KCNQ1: variants seen among roughly 807,000 people sequenced by gnomAD.
KCNQ1 encodes the protein potassium voltage-gated channel subfamily KQT member 1.
Under a neutral mutation model 72.4 loss-of-function variants are expected in KCNQ1, and 49 were observed. The ratio of observed to expected loss-of-function variants is 0.68; its 90% CI spans 0.54 to 0.86. The LOEUF (loss-of-function observed/expected upper bound fraction) is 0.86, where lower values mean the gene tolerates loss of function less well. Among genes scored for constraint, KCNQ1 ranks in the 40% least tolerant of loss-of-function variants. The pLI is 0.00. For missense variants in KCNQ1, 790 were observed against 945.1 expected (o/e 0.84, Z 2.15); for synonymous variants, 450 against 412.6 (o/e 1.09, Z -1.10).
In KCNQ1 at chr11:2,734,125, G is replaced by A. The variant is rs1845912583; in HGVS notation, c.1515-34719G>A. ...TTCAAGCTTGTCTAGCACTGGCAGG[G>A]GTGGTCCTGCTCCGGCCCCAGGGCC... On this transcript the variant is annotated intron_variant, in intron 11 of 15. Transcript: ENST00000155840. This position sits in a 1 kb window ranked among gnomAD's most constrained non-coding sequence, Gnocchi z 7.0. Among the ~76,000 whole-genome samples, 1 of 152,164 alleles carries A rather than the reference G, an allele frequency of 6.6e-6. No homozygotes were observed. The highest frequency in any genetic ancestry group is 6.5e-5 in the Admixed American group (1 of 15,284).
At chr11:2,681,193 T>C (rs1366657236) in intron 11 of KCNQ1, 4 of 398,626 alleles carry the variant, frequency 1.0e-5, no homozygotes, top group African/African-American at 2.1e-5. Context: ...AAAGTCATTT[T>C]TGCAGTGTTT....
Position 2,609,027 on chromosome 11 carries a change from T to C in KCNQ1, c.1393+20173T>C, listed in dbSNP as rs1050905407. 1.3e-5 allele frequency: 5 copies of C among 398,342 alleles called. No homozygotes were observed. The Admixed American group carries it at 1.3e-4, about 11-fold the overall frequency. 24.7% of individuals were successfully genotyped at this position (398,342 alleles called of 1,614,324 possible). ...TTTATTATTTTTATATTCTATATTT[T>C]ATTTCTACTCTAATATTTATTATTT... On this transcript the variant is annotated intron_variant, in intron 10 of 15. Coordinates refer to ENST00000155840, the MANE Select transcript of KCNQ1 (RefSeq NM_000218.3).
rs1848266563 is a variant in KCNQ1, at chr11:2,567,676, C to A, written c.478-2952C>A. On this transcript the variant is annotated intron_variant, in intron 2 of 15. Transcript: ENST00000155840. This position sits in a 1 kb window ranked among gnomAD's most constrained non-coding sequence, Gnocchi z 6.6. ...AGCCTAATTAACCTGACAAGCGGGG[C>A]CTCCCCAGCCATGCAGCCTTGCACT... 6.6e-6 allele frequency among the ~76,000 whole-genome samples: 1 copy of A among 152,212 alleles called. No homozygotes were observed. Among genetic ancestry groups the A allele is most frequent in the Non-Finnish European group, 1.5e-5 (1 of 68,036 alleles).
chr11:2,698,845 G>A lies in KCNQ1; in HGVS notation c.1514+36764G>A, dbSNP rs1269667797. The A allele has an allele frequency of 5.0e-6, 2 of 398,442 alleles. No homozygotes were observed. Among genetic ancestry groups the A allele is most frequent in the Non-Finnish European group, 4.4e-6 (1 of 226,178 alleles). 24.7% of individuals were successfully genotyped at this position (398,442 alleles called of 1,614,324 possible). The stretch of plus-strand genomic sequence containing the variant: ...GAGGCCCTACCTAAAACCACCATGC[G>A]GACTCCAGACCCGGACTGACTGGGA... On this transcript the variant is annotated intron_variant, in intron 11 of 15. Coordinates refer to ENST00000155840, the MANE Select transcript of KCNQ1 (RefSeq NM_000218.3). This position sits in a 1 kb window ranked among gnomAD's most constrained non-coding sequence, Gnocchi z 5.1.
rs1046173508 is a variant in KCNQ1 at position 2,498,814 on chromosome 11, T to C, written c.387-29114T>C. On this transcript the variant is annotated intron_variant, in intron 1 of 15. Transcript: ENST00000155840. This position sits in a 1 kb window ranked among gnomAD's most constrained non-coding sequence, Gnocchi z 4.8. ...CTTGAAACCCAGGGCCCTGGTGGTA[T>C]AGGCACATGAAGGAGTCTCCTGATC... 2.6e-5 allele frequency among the ~76,000 whole-genome samples: 4 copies of C among 152,188 alleles called. No individual in the cohort carries two copies. The highest frequency in any genetic ancestry group is 7.2e-5 in the African/African-American group (3 of 41,446).
At chr11:2,778,421 C>T (rs1446320015) in intron 15 of KCNQ1, among the ~76,000 whole-genome samples, 3 of 152,234 alleles carry the variant, frequency 2.0e-5, no homozygotes, top group East Asian at 1.9e-4. Flanking sequence ...CCAGCCTTCT[C>T]CTGGGCCCAG....
At chr11:2,800,075 G>A (rs1349220869) in intron 15 of KCNQ1, among the ~76,000 whole-genome samples, 1 of 152,226 alleles carries the variant, frequency 6.6e-6, no homozygotes, top group Non-Finnish European at 1.5e-5. Context: ...AAGGCTGCTG[G>A]GACCTGGGGG....
chr11:2,573,015 CA>C (rs772169417), intron 6 of KCNQ1, 29 bp downstream of exon 6: 3 of 1,608,896 alleles, frequency 1.9e-6, no homozygotes, highest in Non-Finnish European at 1.7e-6. Flanking sequence ...GGCATGGGGA[CA>C]GGGGCAGCTC....
At chr11:2,753,800 C>T (rs1846260809) in intron 11 of KCNQ1, among the ~76,000 whole-genome samples, 1 of 152,210 alleles carries the variant, frequency 6.6e-6, no homozygotes, top group African/African-American at 2.4e-5. Flanking sequence ...GCCGGGGACA[C>T]ACACATTTGA....
rs1850854154 is a variant in KCNQ1, at chr11:2,703,459, AG to A, written c.1514+41380del. Among the ~76,000 whole-genome samples, 1 of 152,204 alleles carries A rather than the reference AG, an allele frequency of 6.6e-6. No homozygotes were observed. The highest frequency in any genetic ancestry group is 1.5e-5 in the Non-Finnish European group (1 of 68,042). On this transcript the variant is annotated intron_variant, in intron 11 of 15. Transcript: ENST00000155840. This position sits in a 1 kb window ranked among gnomAD's most constrained non-coding sequence, Gnocchi z 6.4. Reference sequence around the variant, plus strand: ...CCAGCTTTACTCTTTGGGGTTCAAAAGGTTCCCTTGCAAGCCTGTGCACCCG... The same window carrying A: ...CCAGCTTTACTCTTTGGGGTTCAAAAGTTCCCTTGCAAGCCTGTGCACCCG...
At chr11:2,798,926 GAGAGGAAGA>G (rs2134021504) in intron 15 of KCNQ1, among the ~76,000 whole-genome samples, 1 of 152,310 alleles carries the variant, frequency 6.6e-6, no homozygotes, top group East Asian at 1.9e-4. Flanking sequence ...ACGGGGGAAG[GAGAGGAAGA>G]AGAGGAAGGA....
chr11:2,506,364 A>G (rs1033703253), intron 1 of KCNQ1, among the ~76,000 whole-genome samples: 2 of 152,148 alleles, frequency 1.3e-5, no homozygotes, highest in Non-Finnish European at 2.9e-5. Context: ...AGACCACTAC[A>G]TATCAGTTCG....
chr11:2,789,193 A>G (rs1846971186), intron 15 of KCNQ1, among the ~76,000 whole-genome samples: 1 of 152,094 alleles, frequency 6.6e-6, no homozygotes, highest in Admixed American at 6.5e-5. Flanking sequence ...GCACACCCCT[A>G]AAGTCAAAAT....
intron 10 of KCNQ1, chr11:2,625,254 A>G: frequency 2.5e-6 from 1 of 398,640 alleles, no homozygotes; most frequent in Non-Finnish European, 4.4e-6. Context: ...TTTTCTGTTT[A>G]TGTGGGATTT....
intron 11 of KCNQ1, chr11:2,689,156 G>A (rs1020850497): frequency 2.5e-6 from 1 of 398,746 alleles, no homozygotes; most frequent in Non-Finnish European, 4.4e-6. Flanking sequence ...GCTACAGGTG[G>A]CTCAAGGGCC....
chr11:2,692,192 G>T (rs1236425913), intron 11 of KCNQ1: 9 of 398,642 alleles, frequency 2.3e-5, no homozygotes, highest in Non-Finnish European at 4.0e-5. Flanking sequence ...AGAAGTTCTG[G>T]GGTCATTTCC....
chr11:2,664,694 C>G lies in KCNQ1; in HGVS notation c.1514+2613C>G, dbSNP rs1850032556. 2.5e-6 allele frequency: 1 copy of G among 398,612 alleles called. No individual in the cohort carries two copies. The highest frequency in any genetic ancestry group is 4.4e-6 in the Non-Finnish European group (1 of 226,202). 24.7% of individuals were successfully genotyped at this position (398,612 alleles called of 1,614,324 possible). Reference sequence around the variant, plus strand: ...CTGTGGGCAGCCTGGCCCCATGGACCCTGAACTGGGAAGAGAGGCACACGC... The same window carrying G: ...CTGTGGGCAGCCTGGCCCCATGGACGCTGAACTGGGAAGAGAGGCACACGC... On this transcript the variant is annotated intron_variant, in intron 11 of 15. Coordinates refer to ENST00000155840, the MANE Select transcript of KCNQ1 (RefSeq NM_000218.3). This position sits in a 1 kb window ranked among gnomAD's most constrained non-coding sequence, Gnocchi z 5.1.
At chr11:2,530,886 C>T (rs7103907) in intron 2 of KCNQ1, among the ~76,000 whole-genome samples, 1,682 of 152,258 alleles carry the variant, frequency 0.011, 28 homozygotes, top group African/African-American at 0.035. Flanking sequence ...CATGCCTGTG[C>T]TGTGTGTGAG....
chr11:2,647,811 T>C lies in KCNQ1; in HGVS notation c.1394-14150T>C. On this transcript the variant is annotated intron_variant, in intron 10 of 15. Transcript: ENST00000155840. This position sits in a 1 kb window ranked among gnomAD's most constrained non-coding sequence, Gnocchi z 4.0. Reference sequence around the variant, plus strand: ...GTTCATAATGGTCTCTAATAATCTTTTGTATTTCTGTGGTGTCCATTGTAA... The same window carrying C: ...GTTCATAATGGTCTCTAATAATCTTCTGTATTTCTGTGGTGTCCATTGTAA... 2.5e-6 allele frequency: 1 copy of C among 398,566 alleles called. No individual in the cohort carries two copies. The highest frequency in any genetic ancestry group is 4.4e-6 in the Non-Finnish European group (1 of 226,050). 24.7% of individuals were successfully genotyped at this position (398,566 alleles called of 1,614,324 possible). A position where few individuals can be genotyped will look rare whatever the true frequency, so the allele number is the denominator to read the frequency against.
Sources: gnomAD v4.1 joint callset for allele counts (sites outside exome capture counted in the v4.1 genomes callset) on GRCh38, gnomAD v4.1.1 for gene constraint, Gnocchi (gnomAD v3.1) non-coding constraint, MANE v1.5 for transcripts, NCBI Gene and HGNC (gene_info 2026-07-23, HGNC 2026-07-21) for gene names.